The following ATP10B variants were observed in gnomAD, a reference collection of about 807,000 sequenced individuals.
ATP10B encodes the protein phospholipid-transporting ATPase VB.
ATP10B carries 122 observed loss-of-function variants against 141.2 expected under a neutral mutation model. The observed-to-expected ratio is 0.86, with a 90% confidence interval of 0.75 to 1.00. ATP10B has a LOEUF of 1.00. Ranked by LOEUF, ATP10B falls within the 50% of genes least tolerant of loss-of-function variation. The probability of loss-of-function intolerance (pLI) is 0.00; values close to 1 mark genes in which losing one functional copy is unlikely to be tolerated. For synonymous variants in ATP10B, 685 were observed against 692.0 expected (o/e 0.99, Z 0.16); for missense variants, 1,876 against 1,825.3 (o/e 1.03, Z -0.51).
chr5:160,613,086 C>T (rs1036975313), intron 17 of ATP10B, among the ~76,000 whole-genome samples, 161 bp from the exon 18 acceptor site: 3 of 152,284 alleles, frequency 2.0e-5, no homozygotes, highest in South Asian at 4.1e-4. Flanking sequence ...CAGGTCTCTA[C>T]CTCTGAGTTC....
At chr5:160,724,948 A>G (rs570632757) in intron 2 of ATP10B, among the ~76,000 whole-genome samples, 1 of 152,286 alleles carries the variant, frequency 6.6e-6, no homozygotes, top group East Asian at 1.9e-4. Flanking sequence ...ATTGCTTTCC[A>G]CTACTAGCAT....
intron 1 of ATP10B, among the ~76,000 whole-genome samples, chr5:160,796,635 G>A (rs958874560): frequency 6.6e-6 from 1 of 152,216 alleles, no homozygotes; most frequent in African/African-American, 2.4e-5. Context: ...CATTCCTCCA[G>A]GAGGGCATTT....
chr5:160,659,515 A>T (rs948271775), intron 7 of ATP10B, among the ~76,000 whole-genome samples: 4 of 152,188 alleles, frequency 2.6e-5, no homozygotes, highest in African/African-American at 9.6e-5. Flanking sequence ...ACAAAATTTC[A>T]TCTTTCACAA....
At chr5:160,889,932 C>G in the ATP10B span, among the ~76,000 whole-genome samples, 2 of 152,156 alleles carry the variant, frequency 1.3e-5, no homozygotes, top group African/African-American at 4.8e-5. Context: ...TTTGCATAAG[C>G]TTTTCCTTCT....
the ATP10B span, among the ~76,000 whole-genome samples, chr5:160,927,298 T>C: frequency 6.6e-6 from 1 of 152,160 alleles, no homozygotes; most frequent in African/African-American, 2.4e-5. Flanking sequence ...TGAAATTGTA[T>C]TGGCATGACA....
chr5:160,567,439 A>G (rs1430635926), intron 25 of ATP10B, among the ~76,000 whole-genome samples: 2 of 152,170 alleles, frequency 1.3e-5, no homozygotes, highest in South Asian at 2.1e-4. Flanking sequence ...AACTATAGTC[A>G]CATGTTAAAT....
At chr5:160,631,137 A>T (rs1388079002) in intron 13 of ATP10B, among the ~76,000 whole-genome samples, 1 of 152,228 alleles carries the variant, frequency 6.6e-6, no homozygotes, top group Non-Finnish European at 1.5e-5. Flanking sequence ...TTTTCTAATA[A>T]AGGGATGGTA....
rs139928972 is a variant in ATP10B, at chr5:160,645,914, G to A, written c.762-1670C>T. 3.1e-3 allele frequency among the ~76,000 whole-genome samples: 468 copies of A among 152,290 alleles called. 1 individual carries two copies. Among genetic ancestry groups the A allele is most frequent in the African/African-American group, 0.011 (449 of 41,564 alleles). ...TGAGGCAAGTTCATAAAGCCAGGAA[G>A]TGGCAGAATGGGGATTCAAAACTAG... On this transcript the variant is annotated intron_variant, in intron 8 of 25. Coordinates refer to ENST00000327245, the MANE Select transcript of ATP10B (RefSeq NM_025153.3).
intron 2 of ATP10B, among the ~76,000 whole-genome samples, chr5:160,732,482 G>A (rs988116576): frequency 6.6e-6 from 1 of 152,106 alleles, no homozygotes; most frequent in Non-Finnish European, 1.5e-5. Context: ...TTTGAATATG[G>A]TGAGAGATGA....
At chr5:160,666,869 G>C (rs1003743617) in intron 7 of ATP10B, among the ~76,000 whole-genome samples, 5 of 152,172 alleles carry the variant, frequency 3.3e-5, no homozygotes. Context: ...GCATCTCTGT[G>C]TGAACGCAAG....
In ATP10B at chr5:160,636,285, A is replaced by C. The variant is rs1160002482; in HGVS notation, c.1025T>G (p.Phe342Cys). Residue 342 changes from phenylalanine to cysteine, a missense_variant, in exon 11 of 26, where the codon TTT (phenylalanine) becomes TGT (cysteine). Physicochemically the swap from Phe to Cys is radical, Grantham distance 205. Transcript: ENST00000327245. ...CACATCGAAGGGAGGGTGTTCTTCA[A>C]AGGTCCCATTCCAGATGCTGTGACC... ...AVGHSIWNGTFEEHPPFDVPD... is the reference protein window; with the variant it reads ...AVGHSIWNGTCEEHPPFDVPD... 1.2e-6 allele frequency: 2 copies of C among 1,613,418 alleles called. No homozygotes were observed.
chr5:160,806,077 G>A (rs1320536887), intron 1 of ATP10B, among the ~76,000 whole-genome samples: 1 of 152,084 alleles, frequency 6.6e-6, no homozygotes, highest in South Asian at 2.1e-4. Flanking sequence ...GTTCTCTTTT[G>A]GTCCTCAACA....
chr5:160,891,752 A>T, the ATP10B span, among the ~76,000 whole-genome samples: 1 of 152,168 alleles, frequency 6.6e-6, no homozygotes, highest in Non-Finnish European at 1.5e-5. Flanking sequence ...ACAGGTTTTA[A>T]ATGACCCCTT....
At position 160,620,341 on chromosome 5, in the gene ATP10B, A is replaced by G. The variant is rs758910304; in HGVS notation, c.2416+6T>C. ...GTGCCTGGAACCCTGGTAAGGCAGGACTCACCGCAGGCTGGGTCTTCCAGC... is the reference window on the plus strand; with the variant it reads ...GTGCCTGGAACCCTGGTAAGGCAGGGCTCACCGCAGGCTGGGTCTTCCAGC... On this transcript the variant is annotated splice_donor_region_variant and intron_variant, in intron 15 of 25. Transcript: ENST00000327245. 6.2e-7 allele frequency: 1 copy of G among 1,601,952 alleles called. No homozygotes were observed. The highest frequency in any genetic ancestry group is 8.5e-7 in the Non-Finnish European group (1 of 1,173,396).
At chr5:160,898,440 A>T in the ATP10B span, among the ~76,000 whole-genome samples, 2 of 152,244 alleles carry the variant, frequency 1.3e-5, no homozygotes, top group Admixed American at 6.5e-5. Flanking sequence ...CAAAACCACA[A>T]TGAGATACCA....
At chr5:160,828,723 C>G (rs954424738) in intron 1 of ATP10B, among the ~76,000 whole-genome samples, 17 of 151,854 alleles carry the variant, frequency 1.1e-4, no homozygotes, top group South Asian at 2.1e-4. Context: ...ACCCAAAGGA[C>G]TATAAATCAT....
At chr5:160,720,735 C>T (rs1765939747) in intron 2 of ATP10B, among the ~76,000 whole-genome samples, 1 of 152,224 alleles carries the variant, frequency 6.6e-6, no homozygotes, top group Non-Finnish European at 1.5e-5. Flanking sequence ...ACCATCCTTT[C>T]CTCATGTTGA....
In ATP10B at chr5:160,785,718, A is replaced by G. The variant is rs1771095624; in HGVS notation, c.-490T>C. On this transcript the variant is annotated 5_prime_UTR_variant, in exon 2 of 26. Transcript: ENST00000327245. ...TTATCTCCACTGAGTGAGATGAATA[A>G]TAGGAAAAACTACTTACTCTTCACA... The G allele has an allele frequency of 7.8e-7, 1 of 1,277,794 alleles. No homozygotes were observed. The highest frequency in any genetic ancestry group is 1.0e-6 in the Non-Finnish European group (1 of 983,248). The allele number at this position is 1,277,794 out of a possible 1,614,324, so 79.2% of individuals were successfully genotyped here. A position where few individuals can be genotyped will look rare whatever the true frequency, so the allele number is the denominator to read the frequency against.
At chr5:160,771,243 T>C (rs1313636492) in intron 2 of ATP10B, among the ~76,000 whole-genome samples, 1 of 152,158 alleles carries the variant, frequency 6.6e-6, no homozygotes, top group Non-Finnish European at 1.5e-5. Flanking sequence ...TCTCTTTCTT[T>C]TAGGGGTGAT....
Sources: allele counts gnomAD v4.1 joint callset (sites outside exome capture counted in the v4.1 genomes callset), GRCh38; gene constraint gnomAD v4.1.1; transcripts MANE v1.5; gene names NCBI Gene and HGNC (gene_info 2026-07-23, HGNC 2026-07-21).